ARID4B: variants seen among roughly 807,000 people sequenced by gnomAD.
The protein encoded by ARID4B is AT-rich interactive domain-containing protein 4B.
Under a neutral mutation model 147.5 loss-of-function variants are expected in ARID4B, and 26 were observed. The observed-to-expected ratio is 0.18, with a 90% CI of 0.13 to 0.24. The LOEUF is 0.24. Among genes scored for constraint, ARID4B ranks in the 10% least tolerant of loss-of-function variants. The pLI is 1.00. For missense variants in ARID4B, 1,179 were observed against 1,511.5 expected, an observed-to-expected ratio of 0.78 and a Z score of 3.65; for synonymous variants, 512 against 507.9, an observed-to-expected ratio of 1.01 and a Z score of -0.11.
rs527792914 is a variant in ARID4B at position 235,316,951 on chromosome 1, T to C, written c.6+9963A>G. 2.5e-4 allele frequency among the ~76,000 whole-genome samples: 38 copies of C among 152,350 alleles called. No individual in the cohort carries two copies. The South Asian group carries it at 7.9e-3, about 32-fold the overall frequency. On this transcript the variant is annotated intron_variant, in intron 2 of 23. Coordinates refer to ENST00000264183, the MANE Select transcript of ARID4B (RefSeq NM_016374.6). Reference sequence around the variant, plus strand: ...CAAAGGGAAATGCTCACTGGAACATTTTGGATTTTCAGATTTGGGATGTTC... The same window carrying C: ...CAAAGGGAAATGCTCACTGGAACATCTTGGATTTTCAGATTTGGGATGTTC...
At chr1:235,317,233 C>T (rs773200251) in intron 2 of ARID4B, among the ~76,000 whole-genome samples, 3 of 152,130 alleles carry the variant, frequency 2.0e-5, no homozygotes, top group Non-Finnish European at 4.4e-5. Context: ...ATAGAAACAA[C>T]TCTTCCTATT....
chr1:235,268,016 G>A (rs986033166), intron 2 of ARID4B, among the ~76,000 whole-genome samples: 1 of 152,128 alleles, frequency 6.6e-6, no homozygotes, highest in African/African-American at 2.4e-5. Context: ...ATTTGTGAAG[G>A]GGTAAGGGTT....
chr1:235,174,010 A>G (rs1663664378), intron 22 of ARID4B, among the ~76,000 whole-genome samples: 2 of 150,914 alleles, frequency 1.3e-5, no homozygotes, highest in African/African-American at 4.9e-5. Context: ...AGATACTTTT[A>G]AATCAAATTA....
chr1:235,196,867 A>AT (rs1051933402), intron 17 of ARID4B, among the ~76,000 whole-genome samples: 1 of 151,470 alleles, frequency 6.6e-6, no homozygotes, highest in Non-Finnish European at 1.5e-5. Context: ...AAAAAAAAAA[A>AT]AAAAGAAATA....
intron 2 of ARID4B, among the ~76,000 whole-genome samples, chr1:235,307,464 GAAAAAGAAAAGAA>G (rs1673657869): frequency 6.6e-6 from 1 of 151,728 alleles, no homozygotes; most frequent in South Asian, 2.1e-4. Context: ...AAAGAAAAAG[GAAAAAGAAAAGAA>G]AAAAAGAAAA....
chr1:235,175,123 T>A lies in ARID4B; in HGVS notation c.3664+61A>T, dbSNP rs899201819. ...TCTGTCTCTAAAAACAAAAACAAAA[T>A]AAAACAAAAAGAGTTACTAGGATGA... On this transcript the variant is annotated intron_variant, in intron 22 of 23. Coordinates refer to ENST00000264183, the MANE Select transcript of ARID4B (RefSeq NM_016374.6). 4 of 1,471,274 alleles carry A rather than the reference T, an allele frequency of 2.7e-6. No homozygotes were observed. The East Asian group carries it at 9.1e-5, about 33-fold the overall frequency. 91.1% of individuals were successfully genotyped at this position (1,471,274 alleles called of 1,614,324 possible).
chr1:235,173,041 A>C (rs560552720), intron 22 of ARID4B, among the ~76,000 whole-genome samples: 1 of 152,280 alleles, frequency 6.6e-6, no homozygotes, highest in East Asian at 1.9e-4. Context: ...ACAGTAAAAA[A>C]TCACACTTAA....
At chr1:235,192,346 T>G (rs1254604908) in intron 19 of ARID4B, among the ~76,000 whole-genome samples, 7 of 152,226 alleles carry the variant, frequency 4.6e-5, no homozygotes, top group Admixed American at 3.9e-4. Context: ...ACATACTACA[T>G]GTTTTAAGTA....
chr1:235,255,910 A>C (rs989210275), intron 4 of ARID4B, among the ~76,000 whole-genome samples, 160 bp from the exon 5 acceptor site: 1 of 152,114 alleles, frequency 6.6e-6, no homozygotes, highest in African/African-American at 2.4e-5. Flanking sequence ...ACAGTGGCTC[A>C]CGCCTGCAAT....
chr1:235,266,976 G>C (rs1670646872), intron 2 of ARID4B, among the ~76,000 whole-genome samples: 1 of 152,196 alleles, frequency 6.6e-6, no homozygotes, highest in Admixed American at 6.5e-5. Context: ...TATTAAATTT[G>C]ATCATAAAAA....
chr1:235,179,525 C>CAAAAAAAAAAAAAAAAAAAAAAAAAAA (rs61143006), intron 20 of ARID4B, among the ~76,000 whole-genome samples: 1 of 48,360 alleles, frequency 2.1e-5, no homozygotes, highest in African/African-American at 5.7e-5. Flanking sequence ...CTCTATGTCT[C>CAAAAAAAAAAAAAAAAAAAAAAAAAAA]AAAAAAAAAA....
chr1:235,189,603 A>G (rs78733158), intron 19 of ARID4B, among the ~76,000 whole-genome samples: 2 of 151,928 alleles, frequency 1.3e-5, no homozygotes, highest in South Asian at 2.1e-4. Flanking sequence ...CCAAAGAAAG[A>G]TAACAGCCAA....
Position 235,214,024 on chromosome 1 carries a change from T to C in ARID4B, c.1586A>G (p.Asp529Gly). 6.2e-7 allele frequency: 1 copy of C among 1,601,598 alleles called. No individual in the cohort carries two copies. The highest frequency in any genetic ancestry group is 2.2e-5 in the East Asian group (1 of 44,802). ...TTCATCTTCTTCTTTATTCGTTTCATCTCTTGAAAGGTTTAAAAAATTGCA... is the reference window on the plus strand; with the variant it reads ...TTCATCTTCTTCTTTATTCGTTTCACCTCTTGAAAGGTTTAAAAAATTGCA... ...EAEEEKAKSGDETNKEEDEDD... is the reference protein window; with the variant it reads ...EAEEEKAKSGGETNKEEDEDD... Residue 529 changes from aspartate to glycine, a missense_variant and splice_region_variant, in exon 17 of 24, where the codon GAT (aspartate) becomes GGT (glycine). Physicochemically the swap from Asp to Gly is moderately conservative, Grantham distance 94. Around this residue, in one of 10 missense-constraint regions of ARID4B, gnomAD observed 204 missense variants for 210.9 expected, o/e 0.97. Coordinates refer to ENST00000264183, the MANE Select transcript of ARID4B (RefSeq NM_016374.6).
intron 17 of ARID4B, among the ~76,000 whole-genome samples, chr1:235,209,447 GACA>G (rs1374114751): frequency 1.3e-5 from 2 of 151,832 alleles, no homozygotes; most frequent in East Asian, 1.9e-4. Context: ...CTCCAGCCTA[GACA>G]ACAAGAGCAA....
chr1:235,312,541 G>C (rs1226974301), intron 2 of ARID4B, among the ~76,000 whole-genome samples: 1 of 152,094 alleles, frequency 6.6e-6, no homozygotes, highest in African/African-American at 2.4e-5. Context: ...CTTTAATTTT[G>C]CTAGAAGAAC....
At chr1:235,195,317 G>T (rs1665416585) in intron 18 of ARID4B, among the ~76,000 whole-genome samples, 1 of 152,144 alleles carries the variant, frequency 6.6e-6, no homozygotes, top group South Asian at 2.1e-4. Flanking sequence ...GTGGGGCTGG[G>T]CGTGGTGGCT....
At chr1:235,172,493 G>A in intron 23 of ARID4B, 125 bp downstream of exon 23, 1 of 586,180 alleles carries the variant, frequency 1.7e-6, no homozygotes. Context: ...TAGGAGAACT[G>A]TTTGAACCCA....
chr1:235,251,923 T>C (rs1243672537), intron 6 of ARID4B, among the ~76,000 whole-genome samples: 1 of 152,214 alleles, frequency 6.6e-6, no homozygotes, highest in Non-Finnish European at 1.5e-5. Flanking sequence ...AGGATATGGC[T>C]TTGGTGCTAG....
chr1:235,196,195 T>C, intron 17 of ARID4B, 80 bp from the exon 18 acceptor site: 1 of 661,636 alleles, frequency 1.5e-6, no homozygotes. Flanking sequence ...GAGAAACTCA[T>C]ATAGAATCTT....
Sources: gnomAD v4.1 joint callset for allele counts (sites outside exome capture counted in the v4.1 genomes callset) on GRCh38, gnomAD v4.1.1 for gene constraint, gnomAD v4.1.1 regional missense constraint, MANE v1.5 for transcripts, NCBI Gene and HGNC (gene_info 2026-07-23, HGNC 2026-07-21) for gene names.